TRARG1: variants seen among roughly 807,000 people sequenced by gnomAD.
TRARG1 encodes trafficking regulator of GLUT4 (SLC2A4) 1 (gene/pseudogene).
TRARG1 carries 16 observed loss-of-function variants against 13.3 expected under a neutral mutation model. That is an observed-to-expected ratio of 1.20 (90% CI 0.81 to 1.83). The LOEUF is 1.83. Among genes scored for constraint, TRARG1 ranks in the 40% most tolerant of loss-of-function variants. The pLI, the probability that TRARG1 is intolerant of heterozygous loss-of-function variation, is 0.00. For missense variants in TRARG1, 250 were observed against 237.4 expected (o/e 1.05, Z -0.35); for synonymous variants, 113 against 106.2 (o/e 1.06, Z -0.39).
rs559127579 is a variant in TRARG1 at position 1,290,515 on chromosome 17, T to C, written c.388-4976T>C. On this transcript the variant is annotated intron_variant, in intron 1 of 2. Coordinates refer to ENST00000333813, the MANE Select transcript of TRARG1 (RefSeq NM_172367.3). ...TTTGCCATGTTTCCCAGGCTGGTCT[T>C]GAACTCCTGACCTCAAGCAATCTGC... Among the ~76,000 whole-genome samples the C allele has an allele frequency of 3.3e-5, 5 of 152,166 alleles. No individual in the cohort carries two copies. The South Asian group carries it at 8.3e-4, about 25-fold the overall frequency.
chr17:1,295,857 G>T (rs1186891867), intron 2 of TRARG1, among the ~76,000 whole-genome samples: 1 of 152,200 alleles, frequency 6.6e-6, no homozygotes, highest in Admixed American at 6.5e-5. Context: ...TGATGGAAAG[G>T]GTGTGGAAAG....
intron 1 of TRARG1, among the ~76,000 whole-genome samples, chr17:1,292,932 G>T (rs1267401552): frequency 6.6e-6 from 1 of 152,194 alleles, no homozygotes; most frequent in Non-Finnish European, 1.5e-5. Flanking sequence ...AATACAGACA[G>T]TGTGAATCGG....
At chr17:1,287,734 C>T (rs1361576115) in intron 1 of TRARG1, among the ~76,000 whole-genome samples, 1 of 151,944 alleles carries the variant, frequency 6.6e-6, no homozygotes, top group Admixed American at 6.6e-5. Context: ...CTCACTGCAA[C>T]CTCCACCTCC....
intron 2 of TRARG1, 48 bp from the exon 3 acceptor site, chr17:1,298,203 C>T (rs1366085136): frequency 1.9e-6 from 3 of 1,612,570 alleles, no homozygotes; most frequent in Non-Finnish European, 1.7e-6. Context: ...ACTTGAAGAG[C>T]CAGTGTTCTG....
In TRARG1 at chr17:1,298,328, C is replaced by A; in HGVS notation, c.*64C>A. The A allele has an allele frequency of 6.3e-7, 1 of 1,587,214 alleles. No homozygotes were observed. Among genetic ancestry groups the A allele is most frequent in the Non-Finnish European group, 8.6e-7 (1 of 1,161,900 alleles). On this transcript the variant is annotated 3_prime_UTR_variant, in exon 3 of 3. Transcript: ENST00000333813. Reference sequence around the variant, plus strand: ...GCCATCGGGAGAGCTCTGACCTGCACACCGCGGGAGGCCAGGGTGCTGACT... The same window carrying A: ...GCCATCGGGAGAGCTCTGACCTGCAAACCGCGGGAGGCCAGGGTGCTGACT...
rs1226979345 is a variant in TRARG1 at position 1,298,506 on chromosome 17, G to A, written c.*242G>A. 6.6e-6 allele frequency: 3 copies of A among 455,144 alleles called. No individual in the cohort carries two copies. Among genetic ancestry groups the A allele is most frequent in the African/African-American group, 2.0e-5 (1 of 50,610 alleles). The allele number at this position is 455,144 out of a possible 1,614,324, so 28.2% of individuals were successfully genotyped here. A position where few individuals can be genotyped will look rare whatever the true frequency, so the allele number is the denominator to read the frequency against. ...GGTAACGTGGTTTACTCTCCCGGAC[G>A]CGTCCTGGGATCTCAACCCCAGCAG... On this transcript the variant is annotated 3_prime_UTR_variant, in exon 3 of 3. Coordinates refer to ENST00000333813, the MANE Select transcript of TRARG1 (RefSeq NM_172367.3).
chr17:1,298,407 C>G lies in TRARG1; in HGVS notation c.*143C>G. 1.2e-6 allele frequency: 1 copy of G among 836,142 alleles called. No homozygotes were observed. Among genetic ancestry groups the G allele is most frequent in the Non-Finnish European group, 1.8e-6 (1 of 544,006 alleles). 51.8% of individuals were successfully genotyped at this position (836,142 alleles called of 1,614,324 possible). On this transcript the variant is annotated 3_prime_UTR_variant, in exon 3 of 3. Coordinates refer to ENST00000333813, the MANE Select transcript of TRARG1 (RefSeq NM_172367.3). ...AAAGCACAGACTCAAAGGGAAACCC[C>G]CCAGTCACCCACTGTCAGCCCCCAT...
At chr17:1,295,369 C>T (rs2072103172) in intron 1 of TRARG1, 122 bp from the exon 2 acceptor site, 21 of 1,288,524 alleles carry the variant, frequency 1.6e-5, no homozygotes, top group Non-Finnish European at 2.2e-5. Context: ...TGTGGGCTGC[C>T]ATGGGGACGG....
At chr17:1,286,730 G>T (rs73978709) in intron 1 of TRARG1, among the ~76,000 whole-genome samples, 1 of 142,556 alleles carries the variant, frequency 7.0e-6, no homozygotes, top group Admixed American at 7.0e-5. Flanking sequence ...TTCGGCCTGC[G>T]GGTGTTGTTT....
At chr17:1,293,376 G>A (rs570462798) in intron 1 of TRARG1, among the ~76,000 whole-genome samples, 6 of 152,172 alleles carry the variant, frequency 3.9e-5, no homozygotes, top group Admixed American at 2.6e-4. Context: ...CGGAGCTCAG[G>A]CTACGGCAAG....
chr17:1,290,116 A>G (rs2150809939), intron 1 of TRARG1, among the ~76,000 whole-genome samples: 1 of 152,208 alleles, frequency 6.6e-6, no homozygotes, highest in South Asian at 2.1e-4. Flanking sequence ...CTCTTTTCCA[A>G]TTCTCTACTT....
intron 1 of TRARG1, among the ~76,000 whole-genome samples, chr17:1,294,121 C>T (rs944799888): frequency 6.6e-6 from 1 of 151,998 alleles, no homozygotes; most frequent in African/African-American, 2.4e-5. Context: ...TGAAATCAGC[C>T]ACACCATCAG....
At chr17:1,290,945 G>A (rs1411223231) in intron 1 of TRARG1, among the ~76,000 whole-genome samples, 1 of 150,432 alleles carries the variant, frequency 6.6e-6, no homozygotes, top group African/African-American at 2.4e-5. Context: ...CGTTGTTGTG[G>A]CCCAGGCTGG....
chr17:1,289,950 A>G (rs1465204430), intron 1 of TRARG1, among the ~76,000 whole-genome samples: 1 of 151,864 alleles, frequency 6.6e-6, no homozygotes, highest in Non-Finnish European at 1.5e-5. Context: ...TCCTCCCAGC[A>G]CCCAAGCCGG....
At position 1,298,600 on chromosome 17, in the gene TRARG1, A is replaced by T. The variant is rs1464735885; in HGVS notation, c.*336A>T. 1 of 340,724 alleles carries T rather than the reference A, an allele frequency of 2.9e-6. No individual in the cohort carries two copies. The highest frequency in any genetic ancestry group is 5.3e-6 in the Non-Finnish European group (1 of 188,946). 21.1% of individuals were successfully genotyped at this position (340,724 alleles called of 1,614,324 possible). On this transcript the variant is annotated 3_prime_UTR_variant, in exon 3 of 3. Coordinates refer to ENST00000333813, the MANE Select transcript of TRARG1 (RefSeq NM_172367.3). ...GCAGCGAAAACTGCCAGGATGAATGAGGAAAAAACCCAGCCCCACAAACGA... is the reference window on the plus strand; with the variant it reads ...GCAGCGAAAACTGCCAGGATGAATGTGGAAAAAACCCAGCCCCACAAACGA...
intron 2 of TRARG1, 106 bp from the exon 3 acceptor site, chr17:1,298,145 A>T: frequency 1.4e-6 from 2 of 1,416,846 alleles, no homozygotes; most frequent in Non-Finnish European, 2.0e-6. Context: ...CCTTATCCCT[A>T]TTACCACTTC....
intron 1 of TRARG1, among the ~76,000 whole-genome samples, chr17:1,280,765 G>A (rs1443679832): frequency 6.6e-6 from 1 of 152,302 alleles, no homozygotes; most frequent in African/African-American, 2.4e-5. Flanking sequence ...AAGTGGGGCT[G>A]TCTCAGCAGA....
At chr17:1,287,395 C>T (rs2072032225) in intron 1 of TRARG1, among the ~76,000 whole-genome samples, 2 of 151,910 alleles carry the variant, frequency 1.3e-5, no homozygotes, top group Admixed American at 6.6e-5. Flanking sequence ...GAGTCTCGCT[C>T]TGTCACCCAG....
intron 1 of TRARG1, among the ~76,000 whole-genome samples, chr17:1,294,003 G>A (rs758183490): frequency 5.3e-5 from 8 of 152,150 alleles, no homozygotes; most frequent in East Asian, 1.9e-4. Context: ...CATCATCATC[G>A]TCTTCTTCTT....
Sources: allele counts gnomAD v4.1 joint callset (sites outside exome capture counted in the v4.1 genomes callset), GRCh38; gene constraint gnomAD v4.1.1; transcripts MANE v1.5; gene names NCBI Gene and HGNC (gene_info 2026-07-23, HGNC 2026-07-21).